Variants in ZMYM2 observed in about 807,000 individuals in gnomAD.
The protein encoded by ZMYM2 is zinc finger MYM-type containing 2.
A neutral mutation model predicts 162.8 loss-of-function variants in ZMYM2; 56 were observed. The ratio of observed to expected loss-of-function variants is 0.34; its 90% CI spans 0.28 to 0.43. The LOEUF (loss-of-function observed/expected upper bound fraction) is 0.43. ZMYM2 is among the 20% of genes least tolerant of loss of function. The pLI, the probability that ZMYM2 is intolerant of heterozygous loss-of-function variation, is 1.00. For synonymous variants in ZMYM2, 510 were observed against 541.6 expected (o/e 0.94, Z 0.81); for missense variants, 1,275 against 1,621.8 (o/e 0.79, Z 3.67).
At chr13:19,950,625 G>A in the ZMYM2 span, among the ~76,000 whole-genome samples, 1 of 152,140 alleles carries the variant, frequency 6.6e-6, no homozygotes, top group African/African-American at 2.4e-5. Context: ...CTCTGACCAC[G>A]TAGCAGCTGC....
the ZMYM2 span, among the ~76,000 whole-genome samples, chr13:19,906,381 A>G: frequency 7.0e-6 from 1 of 142,264 alleles, no homozygotes; most frequent in African/African-American, 2.6e-5. Context: ...ATATATGTGT[A>G]TATATATGTA....
chr13:20,044,780 C>T (rs1157683661), intron 12 of ZMYM2, among the ~76,000 whole-genome samples: 4 of 151,374 alleles, frequency 2.6e-5, no homozygotes, highest in African/African-American at 4.9e-5. Flanking sequence ...CCAGGCGCGG[C>T]GGCTCACTCC....
chr13:19,922,518 C>G, the ZMYM2 span, among the ~76,000 whole-genome samples: 1 of 152,144 alleles, frequency 6.6e-6, no homozygotes, highest in Non-Finnish European at 1.5e-5. Flanking sequence ...GCTCTTTTCT[C>G]AATCACTTTT....
the ZMYM2 span, among the ~76,000 whole-genome samples, chr13:19,896,767 A>G: frequency 2.7e-5 from 4 of 149,798 alleles, no homozygotes; most frequent in Non-Finnish European, 5.9e-5. Context: ...TCTCAAAAAA[A>G]AAAAAAAGAA....
At chr13:19,982,421 G>A (rs1566211409) in intron 2 of ZMYM2, among the ~76,000 whole-genome samples, 1 of 150,546 alleles carries the variant, frequency 6.6e-6, no homozygotes, top group African/African-American at 2.4e-5. Flanking sequence ...CTGAGTAGCC[G>A]AGATTACAGG....
Position 20,006,377 on chromosome 13 carries a change from C to G in ZMYM2, c.1303C>G (p.Arg435Gly). 6.4e-7 allele frequency: 1 copy of G among 1,570,962 alleles called. No individual in the cohort carries two copies. Among genetic ancestry groups the G allele is most frequent in the Non-Finnish European group, 8.6e-7 (1 of 1,157,244 alleles). ...CTICGKLTEI[R>G]HEVSFKNMTH... ...ATTTTGTTTATTTTTCTTTTAGATT[C>G]GCCATGAAGTCAGCTTTAAAAATAT... The change falls in exon 6 of 25, where the codon CGC (arginine) becomes GGC (glycine). Residue 435 changes from arginine (R) to glycine (G), a missense_variant. Physicochemically the swap from Arg to Gly is moderately radical, Grantham distance 125. Transcript: ENST00000610343.
the ZMYM2 span, among the ~76,000 whole-genome samples, chr13:19,934,558 C>T: frequency 3.3e-5 from 5 of 152,060 alleles, no homozygotes; most frequent in Admixed American, 6.6e-5. Flanking sequence ...GACTTAGCTC[C>T]ATCCCTTTAA....
chr13:19,890,342 T>A, the ZMYM2 span, among the ~76,000 whole-genome samples: 31 of 151,284 alleles, frequency 2.0e-4, no homozygotes, highest in Non-Finnish European at 8.8e-5. Context: ...TTTTTAAAAA[T>A]TTTTTTATAG....
chr13:20,059,122 A>G (rs959671992), intron 15 of ZMYM2, among the ~76,000 whole-genome samples: 1 of 152,118 alleles, frequency 6.6e-6, no homozygotes, highest in Non-Finnish European at 1.5e-5. Context: ...TGTGTATTCT[A>G]ATTATTTGAT....
At chr13:19,874,053 A>T in the ZMYM2 span, among the ~76,000 whole-genome samples, 1 of 152,028 alleles carries the variant, frequency 6.6e-6, no homozygotes, top group Non-Finnish European at 1.5e-5. Context: ...GAACTAGGTG[A>T]TCTTTAAAGG....
chr13:20,043,445 A>G (rs940693143), intron 12 of ZMYM2, among the ~76,000 whole-genome samples: 6 of 152,056 alleles, frequency 3.9e-5, no homozygotes, highest in Non-Finnish European at 5.9e-5. Flanking sequence ...GGTGGATGCA[A>G]TGTGGCTAGG....
intron 12 of ZMYM2, among the ~76,000 whole-genome samples, chr13:20,050,810 T>G (rs769900437): frequency 6.6e-6 from 1 of 152,112 alleles, no homozygotes; most frequent in Non-Finnish European, 1.5e-5. Flanking sequence ...TTGGGCTGAT[T>G]GTTTTCCTAG....
intron 24 of ZMYM2, 61 bp from the exon 25 acceptor site, chr13:20,085,761 A>G: frequency 6.6e-7 from 1 of 1,506,262 alleles, no homozygotes; most frequent in East Asian, 2.3e-5. Flanking sequence ...TCTTGAAAAA[A>G]GAAAAAGTTG....
At position 20,072,935 on chromosome 13, in the gene ZMYM2, G is replaced by A. The variant is rs544388572; in HGVS notation, c.3453+5545G>A. On this transcript the variant is annotated intron_variant, in intron 21 of 24. Transcript: ENST00000610343. ...AGTTCTTTTTTTTTTTTGAGACAAA[G>A]TCTCACTTTGTCGCACAGGCTGGTG... 2.1e-4 allele frequency among the ~76,000 whole-genome samples: 32 copies of A among 150,338 alleles called. No homozygotes were observed. In the East Asian group the frequency reaches 6.0e-3, roughly 28 times the overall value.
At chr13:19,871,579 T>C in the ZMYM2 span, among the ~76,000 whole-genome samples, 8 of 152,124 alleles carry the variant, frequency 5.3e-5, no homozygotes, top group African/African-American at 1.4e-4. Context: ...AGAAACTGCA[T>C]GCACCTTACA....
chr13:19,885,941 A>ATGCGTG, the ZMYM2 span, among the ~76,000 whole-genome samples: 1 of 121,132 alleles, frequency 8.3e-6, no homozygotes, highest in Non-Finnish European at 1.6e-5. Flanking sequence ...ATACACATAT[A>ATGCGTG]TATGTATATA....
At chr13:20,003,386 G>A (rs1472255676) in intron 4 of ZMYM2, among the ~76,000 whole-genome samples, 2 of 152,270 alleles carry the variant, frequency 1.3e-5, no homozygotes, top group East Asian at 3.9e-4. Context: ...TGATTAATGA[G>A]AAGAAATTAG....
At chr13:19,901,506 T>TC in the ZMYM2 span, among the ~76,000 whole-genome samples, 1 of 152,168 alleles carries the variant, frequency 6.6e-6, no homozygotes, top group East Asian at 1.9e-4. Flanking sequence ...ACTTTTCTTT[T>TC]TTTTTTTTGA....
intron 14 of ZMYM2, among the ~76,000 whole-genome samples, chr13:20,053,398 C>T (rs543650648): frequency 8.5e-5 from 13 of 152,302 alleles, no homozygotes; most frequent in East Asian, 5.8e-4. Flanking sequence ...CGATGGCTCA[C>T]GCCTGTAATC....
Sources: allele counts gnomAD v4.1 joint callset (sites outside exome capture counted in the v4.1 genomes callset), GRCh38; gene constraint gnomAD v4.1.1; transcripts MANE v1.5; gene names NCBI Gene and HGNC (gene_info 2026-07-23, HGNC 2026-07-21).